SOX6: variants seen among roughly 807,000 people sequenced by gnomAD.
SOX6 encodes SRY-box transcription factor 6, also known as transcription factor SOX-6.
SOX6 carries 11 observed loss-of-function variants against 97.8 expected under a neutral mutation model. The observed-to-expected ratio is 0.11, with a 90% CI of 0.07 to 0.19. The LOEUF (loss-of-function observed/expected upper bound fraction) is 0.19, where lower values mean the gene tolerates loss of function less well. Among genes scored for constraint, SOX6 ranks in the 10% least tolerant of loss-of-function variants. The pLI is 1.00. For missense variants in SOX6, 810 were observed against 1,039.5 expected (o/e 0.78, Z 3.04); for synonymous variants, 360 against 371.4 (o/e 0.97, Z 0.35).
intron 13 of SOX6, among the ~76,000 whole-genome samples, chr11:16,003,991 G>A (rs986923434): frequency 6.6e-6 from 1 of 151,210 alleles, no homozygotes; most frequent in Admixed American, 6.6e-5. Flanking sequence ...TAATGATGTA[G>A]GGTGTGTGTA....
At chr11:16,205,388 A>G (rs1184173513) in intron 4 of SOX6, among the ~76,000 whole-genome samples, 1 of 152,124 alleles carries the variant, frequency 6.6e-6, no homozygotes, top group East Asian at 1.9e-4. Context: ...CTTGCATTTC[A>G]TTTGCCCATG....
At chr11:16,351,598 A>C (rs758644740) in intron 1 of SOX6, among the ~76,000 whole-genome samples, 14 of 151,964 alleles carry the variant, frequency 9.2e-5, no homozygotes, top group Non-Finnish European at 1.3e-4. Context: ...TCCAGATACA[A>C]CCAATCTTTA....
chr11:16,100,673 G>A (rs1214796937), intron 7 of SOX6, among the ~76,000 whole-genome samples: 1 of 150,726 alleles, frequency 6.6e-6, no homozygotes, highest in Non-Finnish European at 1.5e-5. Flanking sequence ...CTTGTACTAA[G>A]AACCTACAAC....
intron 1 of SOX6, among the ~76,000 whole-genome samples, chr11:16,346,599 A>G (rs779646225): frequency 7.9e-5 from 12 of 152,006 alleles, no homozygotes; most frequent in Non-Finnish European, 1.5e-4. Flanking sequence ...AGATTTTTCT[A>G]TTTCTTCCAT....
At chr11:16,089,992 A>G (rs1390845712) in intron 9 of SOX6, among the ~76,000 whole-genome samples, 1 of 152,130 alleles carries the variant, frequency 6.6e-6, no homozygotes, top group Non-Finnish European at 1.5e-5. Flanking sequence ...AGCTCATTAC[A>G]ACATATACAT....
intron 1 of SOX6, among the ~76,000 whole-genome samples, chr11:16,400,062 T>TA (rs1214315147): frequency 5.3e-5 from 8 of 151,588 alleles, no homozygotes; most frequent in Middle Eastern, 6.8e-3. Flanking sequence ...AAAGTTTCAA[T>TA]AAACCATTCA....
intron 3 of SOX6, among the ~76,000 whole-genome samples, chr11:16,640,386 C>T (rs1449233124): frequency 2.0e-5 from 3 of 152,100 alleles, no homozygotes; most frequent in Admixed American, 2.0e-4. Context: ...TTTGTTGTGT[C>T]TCTGCCAGGC....
At chr11:16,496,709 C>G (rs1380793707) in intron 4 of SOX6, among the ~76,000 whole-genome samples, 2 of 152,210 alleles carry the variant, frequency 1.3e-5, no homozygotes, top group Non-Finnish European at 2.9e-5. Flanking sequence ...GCCCACAGAG[C>G]CTCTCTCATT....
chr11:16,650,315 C>T (rs1847626668), intron 3 of SOX6, among the ~76,000 whole-genome samples: 1 of 152,114 alleles, frequency 6.6e-6, no homozygotes, highest in Non-Finnish European at 1.5e-5. Flanking sequence ...AATCCAACAA[C>T]TTCAGGATAC....
At chr11:16,539,551 G>C (rs927894422) in intron 4 of SOX6, among the ~76,000 whole-genome samples, 2 of 151,588 alleles carry the variant, frequency 1.3e-5, no homozygotes, top group South Asian at 2.1e-4. Flanking sequence ...TTGAAAAGAT[G>C]AACAAAATTG....
intron 3 of SOX6, among the ~76,000 whole-genome samples, chr11:16,672,038 TAGCCGAACTA>T (rs1175179028): frequency 6.6e-6 from 1 of 152,202 alleles, no homozygotes; most frequent in Non-Finnish European, 1.5e-5. Context: ...ATTTTATATC[TAGCCGAACTA>T]AGCTTCCTAA....
At chr11:16,723,925 C>T (rs935200828) in intron 2 of SOX6, among the ~76,000 whole-genome samples, 1 of 152,174 alleles carries the variant, frequency 6.6e-6, no homozygotes, top group Admixed American at 6.5e-5. Context: ...AGAAACTTGA[C>T]GCCCAAAGAA....
At chr11:16,037,177 T>G (rs1752768325) in intron 12 of SOX6, among the ~76,000 whole-genome samples, 1 of 152,216 alleles carries the variant, frequency 6.6e-6, no homozygotes. Flanking sequence ...CAACATGTGC[T>G]TTGATTTCTT....
chr11:16,322,837 C>T (rs1024004873), intron 2 of SOX6, among the ~76,000 whole-genome samples: 1 of 152,148 alleles, frequency 6.6e-6, no homozygotes, highest in Non-Finnish European at 1.5e-5. Flanking sequence ...CTTAATATTA[C>T]AATGTGAATA....
chr11:16,602,058 C>A (rs1354625879), intron 4 of SOX6, among the ~76,000 whole-genome samples: 4 of 152,176 alleles, frequency 2.6e-5, no homozygotes, highest in African/African-American at 9.6e-5. Context: ...GGTATAGGTA[C>A]TTGATACTAT....
At chr11:16,541,102 T>C (rs1861401154) in intron 4 of SOX6, among the ~76,000 whole-genome samples, 1 of 152,156 alleles carries the variant, frequency 6.6e-6, no homozygotes, top group Admixed American at 6.5e-5. Context: ...CAAAACAGCA[T>C]GGTACTGGTA....
At chr11:15,993,084 T>A (rs1283228164) in intron 13 of SOX6, among the ~76,000 whole-genome samples, 2 of 152,104 alleles carry the variant, frequency 1.3e-5, no homozygotes, top group Non-Finnish European at 2.9e-5. Context: ...GAAATACATA[T>A]GATTATGTGT....
chr11:16,434,284 T>G (rs1342275002), intron 1 of SOX6: 1 of 152,100 alleles, frequency 6.6e-6, no homozygotes, highest in African/African-American at 2.4e-5. Flanking sequence ...TCCATACTTT[T>G]GCTCATGTTT....
chr11:16,016,438 T>A (rs1854886671), intron 12 of SOX6, among the ~76,000 whole-genome samples: 1 of 152,012 alleles, frequency 6.6e-6, no homozygotes, highest in Non-Finnish European at 1.5e-5. Context: ...TACTCACTAG[T>A]TTAAATAGCA....
Sources: gnomAD v4.1 joint callset for allele counts (sites outside exome capture counted in the v4.1 genomes callset) on GRCh38, gnomAD v4.1.1 for gene constraint, MANE v1.5 for transcripts, NCBI Gene and HGNC (gene_info 2026-07-23, HGNC 2026-07-21) for gene names.